Variants in DUSP16 observed in about 807,000 individuals in gnomAD.
The protein encoded by DUSP16 is dual specificity protein phosphatase 16.
Under a neutral mutation model 58.3 loss-of-function variants are expected in DUSP16, and 21 were observed. That is an observed-to-expected ratio of 0.36 (90% CI 0.26 to 0.52). The LOEUF (loss-of-function observed/expected upper bound fraction) is 0.52. Ranked by LOEUF, DUSP16 falls within the 20% of genes least tolerant of loss-of-function variation. The pLI, the probability that DUSP16 is intolerant of heterozygous loss-of-function variation, is 0.94. For synonymous variants in DUSP16, 320 were observed against 323.8 expected, an observed-to-expected ratio of 0.99 and a Z score of 0.12; for missense variants, 726 against 819.0, an observed-to-expected ratio of 0.89 and a Z score of 1.39.
chr12:12,554,196 CAAAAAAAAAA>C (rs59499569), intron 1 of DUSP16, among the ~76,000 whole-genome samples: 2 of 66,160 alleles, frequency 3.0e-5, no homozygotes, highest in Non-Finnish European at 6.1e-5. Flanking sequence ...AACTGGGTCT[CAAAAAAAAAA>C]AAAAAAAAAA....
intron 3 of DUSP16, among the ~76,000 whole-genome samples, chr12:12,514,763 G>T (rs1170078748): frequency 7.9e-5 from 12 of 152,094 alleles, no homozygotes; most frequent in Admixed American, 4.6e-4. Context: ...CAAAACTCCT[G>T]GGATCAAGTG....
chr12:12,533,588 A>C (rs1944423199), intron 1 of DUSP16, among the ~76,000 whole-genome samples: 1 of 152,150 alleles, frequency 6.6e-6, no homozygotes, highest in Non-Finnish European at 1.5e-5. Context: ...AAAATCACAG[A>C]ACACTCCACC....
At chr12:12,487,558 G>C (rs756766827) in intron 4 of DUSP16, among the ~76,000 whole-genome samples, 1 of 152,078 alleles carries the variant, frequency 6.6e-6, no homozygotes, top group East Asian at 1.9e-4. Flanking sequence ...GGAACACGCT[G>C]GTTCTCTAAG....
chr12:12,557,961 C>T (rs1944834059), intron 1 of DUSP16, among the ~76,000 whole-genome samples: 1 of 152,208 alleles, frequency 6.6e-6, no homozygotes, highest in African/African-American at 2.4e-5. Flanking sequence ...ATCTTTAAGG[C>T]CAGGGTCAAA....
At chr12:12,496,044 G>A (rs984325569) in intron 4 of DUSP16, among the ~76,000 whole-genome samples, 6 of 152,216 alleles carry the variant, frequency 3.9e-5, no homozygotes, top group Non-Finnish European at 8.8e-5. Flanking sequence ...GAAGTGATAT[G>A]GCTGGTAAGG....
rs1943704064 is a variant in DUSP16 at position 12,487,596 on chromosome 12, TA to T, written c.532-410del. Among the ~76,000 whole-genome samples, 4 of 152,308 alleles carry T rather than the reference TA, an allele frequency of 2.6e-5. No homozygotes were observed. The South Asian group carries it at 8.3e-4, about 32-fold the overall frequency. On this transcript the variant is annotated intron_variant, in intron 4 of 6. Transcript: ENST00000298573. ...ACAATTCTAGTCATTCTTCTCACTC[TA>T]AATACTCTCTTTGAAGGCTGCACTT...
intron 5 of DUSP16, among the ~76,000 whole-genome samples, chr12:12,482,419 T>C (rs1943588686): frequency 6.6e-6 from 1 of 152,234 alleles, no homozygotes; most frequent in Admixed American, 6.5e-5. Flanking sequence ...CACAACTCTT[T>C]TGATGACGTC....
chr12:12,542,571 G>A (rs1412876320), intron 1 of DUSP16, among the ~76,000 whole-genome samples: 1 of 151,914 alleles, frequency 6.6e-6, no homozygotes, highest in Non-Finnish European at 1.5e-5. Context: ...ACACAACTGT[G>A]AATATACCAA....
chr12:12,517,653 T>C (rs989762121), intron 3 of DUSP16, among the ~76,000 whole-genome samples: 1 of 152,222 alleles, frequency 6.6e-6, no homozygotes. Context: ...TCTAATCATC[T>C]AGAACCCTCT....
intron 3 of DUSP16, among the ~76,000 whole-genome samples, chr12:12,510,827 G>A (rs911716123): frequency 1.3e-5 from 2 of 152,200 alleles, no homozygotes; most frequent in Non-Finnish European, 2.9e-5. Context: ...TAGGTAAATA[G>A]CAGAGAGAAG....
At chr12:12,502,964 G>T (rs1361219293) in intron 3 of DUSP16, among the ~76,000 whole-genome samples, 1 of 152,086 alleles carries the variant, frequency 6.6e-6, no homozygotes, top group East Asian at 1.9e-4. Context: ...GCATACACAT[G>T]TGGGCAAGCC....
chr12:12,502,308 G>A (rs1943921362), intron 3 of DUSP16, among the ~76,000 whole-genome samples: 1 of 152,220 alleles, frequency 6.6e-6, no homozygotes, highest in African/African-American at 2.4e-5. Context: ...AATGCAACAA[G>A]TTAGAATGGT....
At chr12:12,533,397 T>C (rs1944419759) in intron 1 of DUSP16, among the ~76,000 whole-genome samples, 1 of 152,214 alleles carries the variant, frequency 6.6e-6, no homozygotes, top group African/African-American at 2.4e-5. Flanking sequence ...TAAGCAGACA[T>C]GCACAACAAG....
At chr12:12,554,737 A>G (rs891988788) in intron 1 of DUSP16, 2 of 152,172 alleles carry the variant, frequency 1.3e-5, no homozygotes, top group Non-Finnish European at 2.9e-5. Context: ...ATAGCTGAAA[A>G]CATTATGGTT....
chr12:12,530,575 T>G (rs749031847), intron 1 of DUSP16, among the ~76,000 whole-genome samples: 1 of 152,178 alleles, frequency 6.6e-6, no homozygotes, highest in Non-Finnish European at 1.5e-5. Flanking sequence ...ATTGAACTTT[T>G]AGCTTCAGTG....
chr12:12,545,773 T>A (rs1312024429), intron 1 of DUSP16, among the ~76,000 whole-genome samples: 1 of 152,196 alleles, frequency 6.6e-6, no homozygotes, highest in Non-Finnish European at 1.5e-5. Context: ...GTTACCCTAA[T>A]AACAGATAAG....
intron 1 of DUSP16, among the ~76,000 whole-genome samples, chr12:12,522,037 G>C (rs1944245268): frequency 6.6e-6 from 1 of 152,224 alleles, no homozygotes. Flanking sequence ...TCACGGAGGA[G>C]AGAAGATGCA....
intron 3 of DUSP16, among the ~76,000 whole-genome samples, chr12:12,519,388 GT>G (rs1365528931): frequency 6.6e-6 from 1 of 152,130 alleles, no homozygotes; most frequent in Non-Finnish European, 1.5e-5. Flanking sequence ...CTATTTCATT[GT>G]TTATAATGCC....
chr12:12,481,844 C>A (rs1943572635), intron 5 of DUSP16, among the ~76,000 whole-genome samples: 1 of 152,010 alleles, frequency 6.6e-6, no homozygotes, highest in Admixed American at 6.5e-5. Flanking sequence ...TATCATTTAC[C>A]CCACGTTACT....
Sources: allele counts gnomAD v4.1 joint callset (sites outside exome capture counted in the v4.1 genomes callset), GRCh38; gene constraint gnomAD v4.1.1; transcripts MANE v1.5; gene names NCBI Gene and HGNC (gene_info 2026-07-23, HGNC 2026-07-21).